Variants in ASGR2 observed in about 807,000 individuals in gnomAD.
The protein encoded by ASGR2 is C-type lectin domain family 4 member H2.
A neutral mutation model predicts 32.3 loss-of-function variants in ASGR2; 34 were observed. The observed-to-expected ratio is 1.05, with a 90% confidence interval of 0.80 to 1.40. The LOEUF (loss-of-function observed/expected upper bound fraction) is 1.40. Among genes scored for constraint, ASGR2 ranks in the 40% most tolerant of loss-of-function variants. The probability of loss-of-function intolerance (pLI) is 0.00; values close to 1 mark genes in which losing one functional copy is unlikely to be tolerated. For synonymous variants in ASGR2, 143 were observed against 150.0 expected, an observed-to-expected ratio of 0.95 and a Z score of 0.34; for missense variants, 385 against 386.4, an observed-to-expected ratio of 1.00 and a Z score of 0.03.
intron 2 of ASGR2, among the ~76,000 whole-genome samples, chr17:7,111,625 C>T (rs1216501511): frequency 2.7e-5 from 4 of 148,644 alleles, no homozygotes; most frequent in East Asian, 2.0e-4. Context: ...CACTGCACTC[C>T]GGCCTGGGCA....
rs190124708 is a variant in ASGR2, at chr17:7,107,265, G to A, written c.462C>T (p.Phe154=). The part of the protein sequence containing the change: ...HLKHFPVDLR[F]VACQMELLHS... ...GGAGGAGCTCCATCTGGCAGGCCAC[G>A]AAGCGCAGGTCCACGGGGAAGTGCT... Residue 154 remains phenylalanine, a synonymous_variant, in exon 6 of 9, where the codon TTC becomes TTT. Coordinates refer to ENST00000691900, the MANE Select transcript of ASGR2 (RefSeq NM_001201352.2). The surrounding 1 kb of genome is among the most constrained non-coding windows in gnomAD (Gnocchi z 5.0). 2.9e-5 allele frequency: 47 copies of A among 1,614,130 alleles called. No individual in the cohort carries two copies. In the East Asian group the frequency reaches 6.7e-4, roughly 23 times the overall value.
Position 7,114,319 on chromosome 17 carries a change from G to C in ASGR2, c.-70-9C>G, listed in dbSNP as rs556965590. ...TGCTCTGAGGGCTGGGGCTGGGGCA[G>C]AGGTGCAGATTCACGTGGAGGTTGA... On this transcript the variant is annotated splice_polypyrimidine_tract_variant and intron_variant, in intron 1 of 8. Transcript: ENST00000691900. The surrounding 1 kb of genome is among the most constrained non-coding windows in gnomAD (Gnocchi z 4.5). 5 of 1,554,124 alleles carry C rather than the reference G, an allele frequency of 3.2e-6. No homozygotes were observed. Among genetic ancestry groups the C allele is most frequent in the Non-Finnish European group, 4.3e-6 (5 of 1,151,726 alleles).
In ASGR2 at chr17:7,108,139, C is replaced by T. The variant is rs1914105079; in HGVS notation, c.338-232G>A. Among the ~76,000 whole-genome samples, 1 of 152,176 alleles carries T rather than the reference C, an allele frequency of 6.6e-6. No homozygotes were observed. Among genetic ancestry groups the T allele is most frequent in the Non-Finnish European group, 1.5e-5 (1 of 68,016 alleles). ...AAAGCCTCGCTCTGTCAGCACGGCT[C>T]ACCTGCGTGGCCGGGCCCCTCCCCA... On this transcript the variant is annotated intron_variant, in intron 4 of 8. Coordinates refer to ENST00000691900, the MANE Select transcript of ASGR2 (RefSeq NM_001201352.2). This position sits in a 1 kb window ranked among gnomAD's most constrained non-coding sequence, Gnocchi z 4.9.
At chr17:7,112,279 G>T (rs1914802469) in intron 2 of ASGR2, among the ~76,000 whole-genome samples, 1 of 151,916 alleles carries the variant, frequency 6.6e-6, no homozygotes, top group African/African-American at 2.4e-5. Flanking sequence ...ACAAGTGGAA[G>T]ATGGGCCCCG....
Position 7,108,337 on chromosome 17 carries a change from A to C in ASGR2, c.337+125T>G. 3 of 977,844 alleles carry C rather than the reference A, an allele frequency of 3.1e-6. No individual in the cohort carries two copies. Among genetic ancestry groups the C allele is most frequent in the Non-Finnish European group, 4.5e-6 (3 of 662,654 alleles). 60.6% of individuals were successfully genotyped at this position (977,844 alleles called of 1,614,324 possible). On this transcript the variant is annotated intron_variant, in intron 4 of 8. Transcript: ENST00000691900. This position sits in a 1 kb window ranked among gnomAD's most constrained non-coding sequence, Gnocchi z 4.9. ...CCTGCCTCCCTCCTATACATCCCCCAGGGCCCCTGGACGCCTTGCCCAGCC... is the reference window on the plus strand; with the variant it reads ...CCTGCCTCCCTCCTATACATCCCCCCGGGCCCCTGGACGCCTTGCCCAGCC...
chr17:7,114,487 A>G lies in ASGR2; in HGVS notation c.-71+128T>C. 7.5e-7 allele frequency: 1 copy of G among 1,331,848 alleles called. No homozygotes were observed. The highest frequency in any genetic ancestry group is 9.6e-7 in the Non-Finnish European group (1 of 1,037,460). 82.5% of individuals were successfully genotyped at this position (1,331,848 alleles called of 1,614,324 possible). ...AGACCGCTTGGGCCTTGACCTGGCC[A>G]GGAGACCCCTCCCCACGCTCATGGA... On this transcript the variant is annotated intron_variant, in intron 1 of 8. Coordinates refer to ENST00000691900, the MANE Select transcript of ASGR2 (RefSeq NM_001201352.2). This position sits in a 1 kb window ranked among gnomAD's most constrained non-coding sequence, Gnocchi z 4.5.
intron 8 of ASGR2, 28 bp from the exon 9 acceptor site, chr17:7,101,768 C>T (rs1170989866): frequency 1.2e-6 from 2 of 1,606,906 alleles, no homozygotes; most frequent in Non-Finnish European, 1.7e-6. Context: ...AACTCGGACT[C>T]TGCCACGGTG....
At chr17:7,106,517 T>C (rs118091294) in intron 7 of ASGR2, among the ~76,000 whole-genome samples, 6 of 152,336 alleles carry the variant, frequency 3.9e-5, no homozygotes, top group Non-Finnish European at 7.3e-5. Context: ...ACTCACAGTA[T>C]GCTGTAAAGT....
chr17:7,107,972 C>T lies in ASGR2; in HGVS notation c.338-65G>A, dbSNP rs1254311193. ...CTCCGTCCTCATGCTGCTGGGGGACCGGGGGCCAGCGCCTCGTCCTGGGCG... is the reference window on the plus strand; with the variant it reads ...CTCCGTCCTCATGCTGCTGGGGGACTGGGGGCCAGCGCCTCGTCCTGGGCG... On this transcript the variant is annotated intron_variant, in intron 4 of 8. Coordinates refer to ENST00000691900, the MANE Select transcript of ASGR2 (RefSeq NM_001201352.2). This position sits in a 1 kb window ranked among gnomAD's most constrained non-coding sequence, Gnocchi z 5.0. The T allele has an allele frequency of 1.1e-5, 18 of 1,580,964 alleles. No individual in the cohort carries two copies. The highest frequency in any genetic ancestry group is 2.3e-5 in the South Asian group (2 of 88,732).
Position 7,108,380 on chromosome 17 carries a change from C to G in ASGR2, c.337+82G>C, listed in dbSNP as rs902771470. ...GCCCAGCCTGCACCCCCACGGCACC[C>G]CACACAGCCCTGTTGCAGACTCGGC... On this transcript the variant is annotated intron_variant, in intron 4 of 8. Coordinates refer to ENST00000691900, the MANE Select transcript of ASGR2 (RefSeq NM_001201352.2). The surrounding 1 kb of genome is among the most constrained non-coding windows in gnomAD (Gnocchi z 4.9). The G allele has an allele frequency of 1.4e-6, 2 of 1,428,298 alleles. No homozygotes were observed. The highest frequency in any genetic ancestry group is 2.8e-5 in the African/African-American group (2 of 70,718). 88.5% of individuals were successfully genotyped at this position (1,428,298 alleles called of 1,614,324 possible).
intron 2 of ASGR2, among the ~76,000 whole-genome samples, chr17:7,110,608 G>A (rs191840272): frequency 6.6e-6 from 1 of 152,326 alleles, no homozygotes; most frequent in Non-Finnish European, 1.5e-5. Flanking sequence ...ATTTTCTCGT[G>A]TGTAAAATGG....
At chr17:7,112,347 G>A (rs139549430) in intron 2 of ASGR2, among the ~76,000 whole-genome samples, 2 of 151,744 alleles carry the variant, frequency 1.3e-5, no homozygotes, top group Admixed American at 6.6e-5. Context: ...CCCACCACCC[G>A]GGCTGCTGGA....
At chr17:7,102,643 G>A (rs954265010) in intron 7 of ASGR2, among the ~76,000 whole-genome samples, 3 of 152,082 alleles carry the variant, frequency 2.0e-5, no homozygotes, top group Non-Finnish European at 4.4e-5. Flanking sequence ...CTGGGATCCC[G>A]ACCCTGGTCC....
Position 7,108,380 on chromosome 17 carries a change from CCACA to C in ASGR2, c.337+78_337+81del. The C allele has an allele frequency of 7.0e-7, 1 of 1,428,416 alleles. No homozygotes were observed. The highest frequency in any genetic ancestry group is 2.1e-5 in the Admixed American group (1 of 47,952). 88.5% of individuals were successfully genotyped at this position (1,428,416 alleles called of 1,614,324 possible). ...GCCCAGCCTGCACCCCCACGGCACC[CCACA>C]CAGCCCTGTTGCAGACTCGGCACTG... is the stretch of plus-strand genomic sequence containing the variant. On this transcript the variant is annotated intron_variant, in intron 4 of 8. Coordinates refer to ENST00000691900, the MANE Select transcript of ASGR2 (RefSeq NM_001201352.2). This position sits in a 1 kb window ranked among gnomAD's most constrained non-coding sequence, Gnocchi z 4.9.
intron 7 of ASGR2, among the ~76,000 whole-genome samples, chr17:7,105,603 C>T (rs996344532): frequency 2.0e-5 from 3 of 151,874 alleles, no homozygotes; most frequent in African/African-American, 7.3e-5. Context: ...CCGTTGAGCC[C>T]GGGAGGCACA....
chr17:7,101,974 A>G, intron 8 of ASGR2, 116 bp downstream of exon 8: 1 of 1,160,130 alleles, frequency 8.6e-7, no homozygotes, highest in Non-Finnish European at 1.3e-6. Flanking sequence ...GAGTCTGGGG[A>G]GGAGAGGATT....
rs1265298058 is a variant in ASGR2 at position 7,108,385 on chromosome 17, C to T, written c.337+77G>A. The T allele has an allele frequency of 6.9e-6, 10 of 1,452,296 alleles. No homozygotes were observed. Among genetic ancestry groups the T allele is most frequent in the Middle Eastern group, 2.0e-4 (1 of 4,974 alleles). The allele number at this position is 1,452,296 out of a possible 1,614,324, so 90.0% of individuals were successfully genotyped here. A position where few individuals can be genotyped will look rare whatever the true frequency, so the allele number is the denominator to read the frequency against. ...GCCTGCACCCCCACGGCACCCCACA[C>T]AGCCCTGTTGCAGACTCGGCACTGA... is the stretch of plus-strand genomic sequence containing the variant. On this transcript the variant is annotated intron_variant, in intron 4 of 8. Coordinates refer to ENST00000691900, the MANE Select transcript of ASGR2 (RefSeq NM_001201352.2). The surrounding 1 kb of genome is among the most constrained non-coding windows in gnomAD (Gnocchi z 4.9).
Position 7,114,439 on chromosome 17 carries a change from G to T in ASGR2, c.-70-129C>A, listed in dbSNP as rs572645788. On this transcript the variant is annotated intron_variant, in intron 1 of 8. Transcript: ENST00000691900. This position sits in a 1 kb window ranked among gnomAD's most constrained non-coding sequence, Gnocchi z 4.5. ...CGTTTGGGATGAGGTTTGAAATCCC[G>T]CTGGGTCCTTTCCCTTCTCAGGAGA... 9.7e-5 allele frequency: 137 copies of T among 1,415,908 alleles called. No homozygotes were observed. The African/African-American group carries it at 1.6e-3, about 17-fold the overall frequency. The allele number at this position is 1,415,908 out of a possible 1,614,324, so 87.7% of individuals were successfully genotyped here.
rs976757914 is a variant in ASGR2 at position 7,107,578 on chromosome 17, C to T, written c.409+258G>A. The T allele has an allele frequency of 4.7e-6, 3 of 639,708 alleles. No individual in the cohort carries two copies. Among genetic ancestry groups the T allele is most frequent in the Non-Finnish European group, 8.3e-6 (3 of 360,960 alleles). The allele number at this position is 639,708 out of a possible 1,614,324, so 39.6% of individuals were successfully genotyped here. The stretch of plus-strand genomic sequence containing the variant: ...ACACACACATATACCATACCGCACA[C>T]ACACAGACTCATCTCACACACACCA... On this transcript the variant is annotated intron_variant, in intron 5 of 8. Coordinates refer to ENST00000691900, the MANE Select transcript of ASGR2 (RefSeq NM_001201352.2). This position sits in a 1 kb window ranked among gnomAD's most constrained non-coding sequence, Gnocchi z 5.0.
Sources: allele counts gnomAD v4.1 joint callset (sites outside exome capture counted in the v4.1 genomes callset), GRCh38; gene constraint gnomAD v4.1.1; non-coding constraint Gnocchi (gnomAD v3.1); transcripts MANE v1.5; gene names NCBI Gene and HGNC (gene_info 2026-07-23, HGNC 2026-07-21).